Variants in SLC12A8 observed in about 807,000 individuals in gnomAD.
SLC12A8 encodes cation-chloride cotransporter 9.
In SLC12A8, 69 loss-of-function variants were observed where a neutral mutation model predicts 75.6. That is an observed-to-expected ratio of 0.91 (90% CI 0.75 to 1.11). The LOEUF is 1.11. Among genes scored for constraint, SLC12A8 ranks in the 50% most tolerant of loss-of-function variants. The probability of loss-of-function intolerance (pLI) is 0.00; values close to 1 mark genes in which losing one functional copy is unlikely to be tolerated. For missense variants in SLC12A8, 877 were observed against 896.7 expected, an observed-to-expected ratio of 0.98 and a Z score of 0.28; for synonymous variants, 365 against 372.8, an observed-to-expected ratio of 0.98 and a Z score of 0.24.
chr3:125,120,318 G>T, intron 7 of SLC12A8, among the ~76,000 whole-genome samples: 1 of 151,042 alleles, frequency 6.6e-6, no homozygotes, highest in South Asian at 2.1e-4. Context: ...GGGGAGGGAC[G>T]GGGGCGGGAG....
intron 5 of SLC12A8, among the ~76,000 whole-genome samples, chr3:125,174,141 A>C (rs1375111854): frequency 1.3e-5 from 2 of 151,882 alleles, no homozygotes; most frequent in African/African-American, 4.8e-5. Flanking sequence ...AACAAACAAA[A>C]AAACACAAGT....
At chr3:125,163,613 T>A (rs1287397636) in intron 5 of SLC12A8, among the ~76,000 whole-genome samples, 3 of 130,358 alleles carry the variant, frequency 2.3e-5, no homozygotes, top group East Asian at 2.4e-4. Context: ...AAAAAAAAAA[T>A]TAAAAAAAAA....
intron 4 of SLC12A8, among the ~76,000 whole-genome samples, chr3:125,181,115 C>A (rs2107790322): frequency 6.6e-6 from 1 of 152,222 alleles, no homozygotes; most frequent in African/African-American, 2.4e-5. Flanking sequence ...CATAGTAGAA[C>A]TTCCAAATCA....
chr3:125,177,983 C>A lies in SLC12A8; in HGVS notation c.391-9G>T, dbSNP rs1579526936. The A allele has an allele frequency of 6.2e-7, 1 of 1,605,988 alleles. No homozygotes were observed. The highest frequency in any genetic ancestry group is 1.7e-5 in the Admixed American group (1 of 59,322). On this transcript the variant is annotated splice_polypyrimidine_tract_variant and intron_variant, in intron 4 of 13. Coordinates refer to ENST00000469902, the MANE Select transcript of SLC12A8 (RefSeq NM_024628.6). ...ATGGCACCTGCAACACACTGACATGCGATTCCAGGTAGAAGAGTCAGCAGG... is the reference window on the plus strand; with the variant it reads ...ATGGCACCTGCAACACACTGACATGAGATTCCAGGTAGAAGAGTCAGCAGG...
intron 2 of SLC12A8, chr3:125,206,533 C>T (rs1935229848): frequency 6.6e-6 from 1 of 152,282 alleles, no homozygotes; most frequent in African/African-American, 2.4e-5. Flanking sequence ...TCACCATTGC[C>T]CCAAAACTTG....
At chr3:125,184,005 C>T (rs1934721027) in intron 4 of SLC12A8, among the ~76,000 whole-genome samples, 2 of 151,942 alleles carry the variant, frequency 1.3e-5, no homozygotes, top group Non-Finnish European at 2.9e-5. Flanking sequence ...TGGAGTATCG[C>T]TCTGTCACCC....
intron 5 of SLC12A8, among the ~76,000 whole-genome samples, chr3:125,148,073 T>A (rs9847619): frequency 0.86 from 131,594 of 152,222 alleles, 57,282 homozygotes; most frequent in Non-Finnish European, 0.92. Flanking sequence ...CCTTGACCAA[T>A]TCTATGCAGC....
chr3:125,088,432 A>G, intron 12 of SLC12A8, 62 bp from the exon 13 acceptor site: 1 of 1,453,130 alleles, frequency 6.9e-7, no homozygotes, highest in East Asian at 2.3e-5. Flanking sequence ...CTAGAAGCTC[A>G]GTTTTAATAG....
intron 6 of SLC12A8, 44 bp from the exon 7 acceptor site, chr3:125,120,730 A>T (rs535683977): frequency 6.9e-7 from 1 of 1,456,122 alleles, no homozygotes; most frequent in East Asian, 2.3e-5. Context: ...AGCCTCCTCC[A>T]CGCATCGCCT....
intron 10 of SLC12A8, among the ~76,000 whole-genome samples, chr3:125,106,740 A>C (rs540732680): frequency 1.3e-5 from 2 of 152,306 alleles, no homozygotes; most frequent in African/African-American, 4.8e-5. Context: ...GGGAGAGCAT[A>C]ATGTAGAGGA....
At chr3:125,093,505 C>T (rs1409284127) in intron 10 of SLC12A8, among the ~76,000 whole-genome samples, 1 of 152,140 alleles carries the variant, frequency 6.6e-6, no homozygotes, top group African/African-American at 2.4e-5. Context: ...CTCATGGATC[C>T]CCTAGCCCTC....
At chr3:125,088,211 A>G in intron 13 of SLC12A8, 99 bp downstream of exon 13, 4 of 1,241,212 alleles carry the variant, frequency 3.2e-6, no homozygotes, top group Non-Finnish European at 4.7e-6. Flanking sequence ...CCCATGCCAC[A>G]ATCCAGGCCC....
chr3:125,204,390 A>C (rs772744121), intron 2 of SLC12A8, among the ~76,000 whole-genome samples: 1 of 152,244 alleles, frequency 6.6e-6, no homozygotes, highest in Non-Finnish European at 1.5e-5. Context: ...ATGGAAAACT[A>C]TTTAGCCATA....
At chr3:125,153,385 C>T (rs1380108097) in intron 5 of SLC12A8, among the ~76,000 whole-genome samples, 1 of 152,220 alleles carries the variant, frequency 6.6e-6, no homozygotes, top group African/African-American at 2.4e-5. Flanking sequence ...ATCAAACTCT[C>T]TCAGCTACCA....
chr3:125,155,198 G>A (rs533427780), intron 5 of SLC12A8: 4 of 152,270 alleles, frequency 2.6e-5, no homozygotes, highest in African/African-American at 7.2e-5. Flanking sequence ...GGGTGGCGGG[G>A]TGGAAGCTAC....
chr3:125,113,421 C>G (rs1015899119), intron 8 of SLC12A8, among the ~76,000 whole-genome samples: 1 of 152,234 alleles, frequency 6.6e-6, no homozygotes, highest in African/African-American at 2.4e-5. Flanking sequence ...TTCCATCTCT[C>G]TCCTGCCTAA....
At chr3:125,105,570 A>G (rs1939002104) in intron 10 of SLC12A8, among the ~76,000 whole-genome samples, 1 of 152,240 alleles carries the variant, frequency 6.6e-6, no homozygotes, top group African/African-American at 2.4e-5. Context: ...GGAAACAGCA[A>G]AAGTTGAGCA....
Position 125,177,771 on chromosome 3 carries a change from C to T in SLC12A8, c.594G>A (p.Val198=), listed in dbSNP as rs1560077053. ...FLLAVSTLDF[V]VGSFTHLDPE... ...GGTCCAGGTGGGTGAAAGAACCCAC[C>T]ACAAAGTCCAGTGTGGACACGGCCA... is the stretch of plus-strand genomic sequence containing the variant. Residue 198 remains valine (V), a synonymous_variant, in exon 5 of 14, where the codon GTG becomes GTA. Transcript: ENST00000469902. The T allele has an allele frequency of 6.2e-6, 10 of 1,614,142 alleles. No individual in the cohort carries two copies. The highest frequency in any genetic ancestry group is 7.6e-6 in the Non-Finnish European group (9 of 1,180,034).
Position 125,083,955 on chromosome 3 carries a change from C to T in SLC12A8, c.2080G>A (p.Ala694Thr), listed in dbSNP as rs780460449. The change falls in exon 14 of 14, where the codon GCC (alanine) becomes ACC (threonine). Residue 694 changes from alanine (A) to threonine (T), a missense_variant. Coordinates refer to ENST00000469902, the MANE Select transcript of SLC12A8 (RefSeq NM_024628.6). Reference sequence around the variant, plus strand: ...GAGTGGTGGTAGCGATCCCGAGTGGCGAAGTCTGCATTCTCCTGGGTGAGC... The same window carrying T: ...GAGTGGTGGTAGCGATCCCGAGTGGTGAAGTCTGCATTCTCCTGGGTGAGC... ...TQLTQENADF[A>T]TRDRYHHSSL... 95 of 1,613,428 alleles carry T rather than the reference C, an allele frequency of 5.9e-5. No homozygotes were observed. In the South Asian group the frequency reaches 5.9e-4, roughly 10 times the overall value.
Sources: gnomAD v4.1 joint callset for allele counts (sites outside exome capture counted in the v4.1 genomes callset) on GRCh38, gnomAD v4.1.1 for gene constraint, MANE v1.5 for transcripts, NCBI Gene and HGNC (gene_info 2026-07-23, HGNC 2026-07-21) for gene names.